The following ZNF600 variants were observed in gnomAD, a reference collection of about 807,000 sequenced individuals.
ZNF600 encodes the protein zinc finger protein KR-ZNF1.
In ZNF600, 4 loss-of-function variants were observed where a neutral mutation model predicts 7.3. The observed-to-expected ratio is 0.55, with a 90% confidence interval of 0.27 to 1.25. ZNF600 has a LOEUF of 1.25. Ranked by LOEUF, ZNF600 falls within the 50% of genes most tolerant of loss-of-function variation. The pLI, the probability that ZNF600 is intolerant of heterozygous loss-of-function variation, is 0.12. For synonymous variants in ZNF600, 290 were observed against 308.9 expected, an observed-to-expected ratio of 0.94 and a Z score of 0.64; for missense variants, 911 against 922.1, an observed-to-expected ratio of 0.99 and a Z score of 0.16.
At chr19:52,810,569 C>G in the ZNF600 span, 1 of 1,592,790 alleles carries the variant, frequency 6.3e-7, no homozygotes, top group East Asian at 2.2e-5. Context: ...AGACCGGGGT[C>G]TTCCACGAGC....
At chr19:52,800,979 TGAAG>T in the ZNF600 span, 3 of 1,614,050 alleles carry the variant, frequency 1.9e-6, no homozygotes, top group Non-Finnish European at 2.5e-6. Flanking sequence ...AAGCGCCTTG[TGAAG>T]GAAGAGGGAT....
At chr19:52,800,234 G>T in the ZNF600 span, 2 of 1,612,050 alleles carry the variant, frequency 1.2e-6, no homozygotes, top group South Asian at 2.2e-5. Flanking sequence ...GACATGCAAG[G>T]TTTGCTTTTG....
At position 52,766,941 on chromosome 19, in the gene ZNF600, T is replaced by C. The variant is rs760789064; in HGVS notation, c.1022A>G (p.Lys341Arg). The C allele has an allele frequency of 4.3e-6, 7 of 1,614,118 alleles. No homozygotes were observed. The East Asian group carries it at 1.6e-4, about 36-fold the overall frequency. ...GTCACATTCATTACACTTGTAAGGT[T>C]TTTCTCCAGTATGAATTGCCTTATG... Residue 341 changes from lysine to arginine, a missense_variant, in exon 4 of 4, where the codon AAA (lysine) becomes AGA (arginine). Physicochemically the swap from Lys to Arg is conservative, Grantham distance 26 (BLOSUM62 2). Coordinates refer to ENST00000648973, the Ensembl canonical transcript of ZNF600.
At position 52,773,669 on chromosome 19, in the gene ZNF600, G is replaced by C. The variant is rs189816040; in HGVS notation, c.190+906C>G. Among the ~76,000 whole-genome samples the C allele has an allele frequency of 2.4e-3, 368 of 152,106 alleles. 7 individuals carry two copies. Among genetic ancestry groups the C allele is most frequent in the East Asian group, 9.3e-3 (48 of 5,148 alleles). On this transcript the variant is annotated intron_variant, in intron 3 of 3. Transcript: ENST00000648973. The stretch of plus-strand genomic sequence containing the variant: ...GTGGATCACAAGGTCAGGAGTTCGA[G>C]ACCAGCCAGGCCAGCATGGTGAAAC...
chr19:52,796,395 C>T, the ZNF600 span, among the ~76,000 whole-genome samples: 1 of 152,162 alleles, frequency 6.6e-6, no homozygotes, highest in Non-Finnish European at 1.5e-5. Flanking sequence ...AATTGGGGGG[C>T]TTCCGGGTCA....
At chr19:52,795,174 G>T in the ZNF600 span, among the ~76,000 whole-genome samples, 15 of 152,132 alleles carry the variant, frequency 9.9e-5, no homozygotes, top group Non-Finnish European at 1.9e-4. Flanking sequence ...AGAGGAACTT[G>T]AAGGGAACAT....
At chr19:52,795,168 GA>G in the ZNF600 span, among the ~76,000 whole-genome samples, 1 of 152,098 alleles carries the variant, frequency 6.6e-6, no homozygotes, top group Non-Finnish European at 1.5e-5. Flanking sequence ...TGGACCAGAG[GA>G]ACTTGAAGGG....
intron 3 of ZNF600, among the ~76,000 whole-genome samples, chr19:52,768,879 T>A (rs947123912): frequency 6.6e-6 from 1 of 152,180 alleles, no homozygotes; most frequent in East Asian, 1.9e-4. Flanking sequence ...AATCATTAGT[T>A]GGTAGCAATT....
At chr19:52,803,098 G>GTATTTTATGT in the ZNF600 span, among the ~76,000 whole-genome samples, 1 of 151,090 alleles carries the variant, frequency 6.6e-6, no homozygotes, top group African/African-American at 2.4e-5. Context: ...TTATTTTTTT[G>GTATTTTATGT]AGATACAGTG....
the ZNF600 span, among the ~76,000 whole-genome samples, chr19:52,822,560 GAGAA>G: frequency 2.0e-5 from 3 of 152,214 alleles, no homozygotes; most frequent in Admixed American, 1.3e-4. Flanking sequence ...GTTGAAAAGA[GAGAA>G]AGAAACTTCA....
In ZNF600 at chr19:52,783,883, C is replaced by T. The variant is rs1011060548; in HGVS notation, c.-20+2712G>A. Among the ~76,000 whole-genome samples the T allele has an allele frequency of 3.4e-4, 51 of 152,058 alleles. 1 individual carries two copies. The highest frequency in any genetic ancestry group is 9.8e-4 in the Admixed American group (15 of 15,238). On this transcript the variant is annotated intron_variant, in intron 1 of 3. Transcript: ENST00000648973. Reference sequence around the variant, plus strand: ...TCAGCTCACCACAACCTCTGCCTCCCGGGTTCAAGTGATTCTTCTGCCTCA... The same window carrying T: ...TCAGCTCACCACAACCTCTGCCTCCTGGGTTCAAGTGATTCTTCTGCCTCA...
chr19:52,798,887 A>T, the ZNF600 span: 2 of 1,422,004 alleles, frequency 1.4e-6, no homozygotes, highest in South Asian at 1.2e-5. Context: ...TTGATGGTGA[A>T]TAAGTGGTGA....
chr19:52,775,245 A>G (rs2062664924), intron 2 of ZNF600, among the ~76,000 whole-genome samples: 1 of 151,656 alleles, frequency 6.6e-6, no homozygotes, highest in African/African-American at 2.4e-5. Flanking sequence ...ATCTCAAAAA[A>G]CAAAACAAAA....
rs756655030 is a variant in ZNF600 at position 52,766,476 on chromosome 19, G to C, written c.1487C>G (p.Ser496Ter). 1 of 1,614,030 alleles carries C rather than the reference G, an allele frequency of 6.2e-7. No individual in the cohort carries two copies. The change falls in exon 4 of 4, where the codon TCA becomes TGA. Residue 496 changes from serine to a stop codon, truncating the protein, a stop_gained. Coordinates refer to ENST00000648973, the Ensembl canonical transcript of ZNF600. LOFTEE classifies it low-confidence loss of function (END_TRUNC). Reference sequence around the variant, plus strand: ...AATTGACTTATGAATTAGAAGATCTGAATTTTGACCAAAGGTCTTCCCACA... The same window carrying C: ...AATTGACTTATGAATTAGAAGATCTCAATTTTGACCAAAGGTCTTCCCACA...
intron 2 of ZNF600, among the ~76,000 whole-genome samples, chr19:52,775,550 AAAAC>A (rs546117391): frequency 6.6e-5 from 10 of 152,248 alleles, no homozygotes; most frequent in Admixed American, 2.0e-4. Flanking sequence ...CTCCATCTCA[AAAAC>A]AAACAAACAA....
At chr19:52,768,001 C>T (rs2062602486) in intron 3 of ZNF600, among the ~76,000 whole-genome samples, 1 of 152,118 alleles carries the variant, frequency 6.6e-6, no homozygotes. Context: ...AAAACACTGA[C>T]AGGGCACAAA....
chr19:52,829,693 G>C, the ZNF600 span, among the ~76,000 whole-genome samples: 3 of 152,028 alleles, frequency 2.0e-5, no homozygotes, highest in African/African-American at 4.8e-5. Context: ...TTTGTGTTCA[G>C]TAGATTCGAG....
At chr19:52,764,511 T>TGATA (rs899970545), downstream of ZNF600, 1 of 150,134 alleles carries the variant, frequency 6.7e-6, no homozygotes, top group African/African-American at 2.4e-5. Flanking sequence ...CATCCAGCTT[T>TGATA]GATATCCTTT....
At chr19:52,821,105 G>A in the ZNF600 span, among the ~76,000 whole-genome samples, 1 of 152,142 alleles carries the variant, frequency 6.6e-6, no homozygotes, top group Middle Eastern at 3.2e-3. Flanking sequence ...CTGGGGAGCA[G>A]CAGGGCCCAG....
Sources: gnomAD v4.1 joint callset for allele counts (sites outside exome capture counted in the v4.1 genomes callset) on GRCh38, gnomAD v4.1.1 for gene constraint, MANE v1.5 for transcripts, NCBI Gene and HGNC (gene_info 2026-07-23, HGNC 2026-07-21) for gene names.